NHLRC3: variants seen among roughly 807,000 people sequenced by gnomAD.
NHLRC3 encodes NHL repeat-containing protein 3.
In NHLRC3, 23 loss-of-function variants were observed where a neutral mutation model predicts 32.0. That is an observed-to-expected ratio of 0.72 (90% confidence interval 0.52 to 1.02). The LOEUF (loss-of-function observed/expected upper bound fraction) is 1.02, where lower values mean the gene tolerates loss of function less well. NHLRC3 is among the 50% of genes least tolerant of loss of function. The pLI, the probability that NHLRC3 is intolerant of heterozygous loss-of-function variation, is 0.00. For missense variants in NHLRC3, 407 were observed against 406.8 expected (o/e 1.00, Z -0.01); for synonymous variants, 159 against 147.9 (o/e 1.08, Z -0.55).
Position 39,039,155 on chromosome 13 carries a change from T to A in NHLRC3, c.104T>A (p.Phe35Tyr), listed in dbSNP as rs1378936287. ...CGSPVLRNFT[F>Y]AVSWRTEKIL... ...TTTAAGGTTTTGAGGAACTTTACTT[T>A]TGCAGTTTCCTGGAGAACTGAGAAA... Residue 35 changes from phenylalanine to tyrosine, a missense_variant, in exon 2 of 7, where the codon TTT (phenylalanine) becomes TAT (tyrosine). Physicochemically the swap from Phe to Tyr is conservative, Grantham distance 22. Coordinates refer to ENST00000379600, the MANE Select transcript of NHLRC3 (RefSeq NM_001012754.4). 6.2e-7 allele frequency: 1 copy of A among 1,614,012 alleles called. No individual in the cohort carries two copies.
In NHLRC3 at chr13:39,044,676, T is replaced by C. The variant is rs190695590; in HGVS notation, c.678+495T>C. On this transcript the variant is annotated intron_variant, in intron 5 of 6. Coordinates refer to ENST00000379600, the MANE Select transcript of NHLRC3 (RefSeq NM_001012754.4). ...ACTCTTGTTCTCACTAACTCCACAT[T>C]GTTTAGGGAACAGAAAGCTTTAGCC... 6.5e-4 allele frequency among the ~76,000 whole-genome samples: 99 copies of C among 152,336 alleles called. 2 individuals are homozygous for C. Among genetic ancestry groups the C allele is most frequent in the Non-Finnish European group, 2.9e-5 (2 of 68,030 alleles).
chr13:39,038,612 C>T lies in NHLRC3; in HGVS notation c.-28C>T. The T allele has an allele frequency of 6.2e-7, 1 of 1,601,890 alleles. No homozygotes were observed. Among genetic ancestry groups the T allele is most frequent in the Non-Finnish European group, 8.6e-7 (1 of 1,168,814 alleles). The stretch of plus-strand genomic sequence containing the variant: ...GGTCCTCCCCCAGACACCTGCGGAC[C>T]CTCCCTCTCCTGGCTTCCCGTCTGG... On this transcript the variant is annotated 5_prime_UTR_variant, in exon 1 of 7. Transcript: ENST00000379600.
Position 39,038,533 on chromosome 13 carries a change from G to A in NHLRC3, c.-107G>A, listed in dbSNP as rs566348780. ...GGGGAAACCGGAGATAGGGTCTTCGGGCCCCGGGCAGACCCTCTGTGCCGC... is the reference window on the plus strand; with the variant it reads ...GGGGAAACCGGAGATAGGGTCTTCGAGCCCCGGGCAGACCCTCTGTGCCGC... On this transcript the variant is annotated 5_prime_UTR_variant, in exon 1 of 7. Transcript: ENST00000379600. The A allele has an allele frequency of 3.1e-5, 28 of 910,150 alleles. 1 individual carries two copies. The South Asian group carries it at 3.6e-4, about 12-fold the overall frequency. 56.4% of individuals were successfully genotyped at this position (910,150 alleles called of 1,614,324 possible). A position where few individuals can be genotyped will look rare whatever the true frequency, so the allele number is the denominator to read the frequency against.
At chr13:39,044,015 A>G (rs1036160589) in intron 4 of NHLRC3, 75 bp from the exon 5 acceptor site, 11 of 1,051,012 alleles carry the variant, frequency 1.0e-5, no homozygotes, top group Non-Finnish European at 1.5e-5. Context: ...GTTCTTTGTA[A>G]CCTGTTTCAT....
Position 39,038,605 on chromosome 13 carries a change from TG to T in NHLRC3, c.-34del, listed in dbSNP as rs1414364749. The T allele has an allele frequency of 1.3e-6, 2 of 1,588,478 alleles. No homozygotes were observed. The highest frequency in any genetic ancestry group is 2.2e-5 in the South Asian group (2 of 90,600). ...GCTGTCAGGTCCTCCCCCAGACACC[TG>T]CGGACCCTCCCTCTCCTGGCTTCCC... On this transcript the variant is annotated 5_prime_UTR_variant, in exon 1 of 7. Coordinates refer to ENST00000379600, the MANE Select transcript of NHLRC3 (RefSeq NM_001012754.4).
Position 39,038,714 on chromosome 13 carries a change from T to C in NHLRC3, c.75T>C (p.Cys25=), listed in dbSNP as rs1871311521. The change falls in exon 1 of 7, where the codon TGT becomes TGC. Residue 25 remains cysteine (C), a synonymous_variant. Coordinates refer to ENST00000379600, the MANE Select transcript of NHLRC3 (RefSeq NM_001012754.4). ...TTTTGGTTTTGCATTCGCGTTTTTGTGGCTCTCCAGTGAGTTGGGTAGTGA... is the reference window on the plus strand; with the variant it reads ...TTTTGGTTTTGCATTCGCGTTTTTGCGGCTCTCCAGTGAGTTGGGTAGTGA... ...LAFLVLHSRF[C]GSPVLRNFTF... is the part of the protein sequence containing the mutation. 1 of 1,613,622 alleles carries C rather than the reference T, an allele frequency of 6.2e-7. No homozygotes were observed. The highest frequency in any genetic ancestry group is 1.3e-5 in the African/African-American group (1 of 74,928).
At chr13:39,046,917 A>C (rs376711148) in intron 5 of NHLRC3, 123 bp from the exon 6 acceptor site, 4 of 713,716 alleles carry the variant, frequency 5.6e-6, no homozygotes, top group East Asian at 5.4e-5. Context: ...ATGGGACTTA[A>C]CTACCTTCTT....
chr13:39,043,079 A>G (rs529889442), intron 4 of NHLRC3, among the ~76,000 whole-genome samples: 2 of 152,216 alleles, frequency 1.3e-5, no homozygotes, highest in African/African-American at 4.8e-5. Flanking sequence ...AGCAGGTTTT[A>G]TAAGACATTC....
At position 39,042,209 on chromosome 13, in the gene NHLRC3, GA is replaced by G. The variant is rs1871492569; in HGVS notation, c.491del (p.Asp164ValfsTer8). On this transcript the variant is annotated frameshift_variant, in exon 4 of 7. Transcript: ENST00000379600. LOFTEE classifies it high-confidence loss of function. ...KGTSLNPLQF[D>X]NPAELYVEDT... Reference sequence around the variant, plus strand: ...CACTAGTTTGAATCCTTTGCAGTTTGATAACCCAGCAGAATTATATGTAGAG... The same window carrying G: ...CACTAGTTTGAATCCTTTGCAGTTTGTAACCCAGCAGAATTATATGTAGAG... 1 of 1,611,208 alleles carries G rather than the reference GA, an allele frequency of 6.2e-7. No individual in the cohort carries two copies. Among genetic ancestry groups the G allele is most frequent in the Non-Finnish European group, 8.5e-7 (1 of 1,177,616 alleles).
At chr13:39,038,346 C>G (rs552201754), upstream of NHLRC3, 176 of 443,002 alleles carry the variant, frequency 4.0e-4, 1 homozygote, top group Non-Finnish European at 5.7e-4. Flanking sequence ...GCGGCGCGGA[C>G]TGCCCTGAGG....
rs576865180 is a variant in NHLRC3, at chr13:39,047,947, T to G, written c.*21T>G. 21 of 1,571,778 alleles carry G rather than the reference T, an allele frequency of 1.3e-5. No homozygotes were observed. Among genetic ancestry groups the G allele is most frequent in the Non-Finnish European group, 1.8e-5 (21 of 1,148,246 alleles). On this transcript the variant is annotated 3_prime_UTR_variant, in exon 7 of 7. Transcript: ENST00000379600. Reference sequence around the variant, plus strand: ...CATAATGTTTCTTTCCTGGGAATATTTCAAGTGGCAGTTCAGATTCTCAAT... The same window carrying G: ...CATAATGTTTCTTTCCTGGGAATATGTCAAGTGGCAGTTCAGATTCTCAAT...
At chr13:39,042,346 T>G (rs1018881111) in intron 4 of NHLRC3, 41 bp downstream of exon 4, 1 of 1,208,266 alleles carries the variant, frequency 8.3e-7, no homozygotes, top group Non-Finnish European at 1.2e-6. Flanking sequence ...TATTATAAAT[T>G]GATTTTAATT....
Position 39,038,606 on chromosome 13 carries a change from G to C in NHLRC3, c.-34G>C, listed in dbSNP as rs557027768. Reference sequence around the variant, plus strand: ...CTGTCAGGTCCTCCCCCAGACACCTGCGGACCCTCCCTCTCCTGGCTTCCC... The same window carrying C: ...CTGTCAGGTCCTCCCCCAGACACCTCCGGACCCTCCCTCTCCTGGCTTCCC... On this transcript the variant is annotated 5_prime_UTR_variant, in exon 1 of 7. Coordinates refer to ENST00000379600, the MANE Select transcript of NHLRC3 (RefSeq NM_001012754.4). 55 of 1,591,964 alleles carry C rather than the reference G, an allele frequency of 3.5e-5. No homozygotes were observed. In the East Asian group the frequency reaches 1.2e-3, roughly 36 times the overall value.
Position 39,039,595 on chromosome 13 carries a change from T to C in NHLRC3, c.269T>C (p.Phe90Ser). 1.2e-6 allele frequency: 2 copies of C among 1,612,374 alleles called. No individual in the cohort carries two copies. The highest frequency in any genetic ancestry group is 1.7e-6 in the Non-Finnish European group (2 of 1,178,402). Residue 90 changes from phenylalanine (F) to serine (S), a missense_variant, in exon 3 of 7, where the codon TTC becomes TCC. By Grantham distance (155) the Phe-to-Ser change is radical. Coordinates refer to ENST00000379600, the MANE Select transcript of NHLRC3 (RefSeq NM_001012754.4). ...RGDNIPKILV[F>S]TEDGYFLRAW... is the part of the protein sequence containing the mutation. Reference sequence around the variant, plus strand: ...GATAACATCCCAAAGATATTAGTGTTCACAGAGGATGGATATTTCCTACGA... The same window carrying C: ...GATAACATCCCAAAGATATTAGTGTCCACAGAGGATGGATATTTCCTACGA...
In NHLRC3 at chr13:39,039,647, T is replaced by C; in HGVS notation, c.321T>C (p.Pro107=). The C allele has an allele frequency of 6.2e-7, 1 of 1,612,416 alleles. No individual in the cohort carries two copies. The highest frequency in any genetic ancestry group is 8.5e-7 in the Non-Finnish European group (1 of 1,178,450). ...LRAWNYTVDT[P]HGIFAASTLY... ...CCTGGAATTATACAGTTGACACACC[T>C]CATGGTATATTTGCAGCCAGTACTC... The change falls in exon 3 of 7, where the codon CCT becomes CCC. Residue 107 remains proline (P), a synonymous_variant. Transcript: ENST00000379600.
At position 39,038,600 on chromosome 13, in the gene NHLRC3, A is replaced by G. The variant is rs1471805114; in HGVS notation, c.-40A>G. 6.4e-7 allele frequency: 1 copy of G among 1,564,808 alleles called. No homozygotes were observed. The highest frequency in any genetic ancestry group is 1.1e-5 in the South Asian group (1 of 90,100). On this transcript the variant is annotated 5_prime_UTR_variant, in exon 1 of 7. Coordinates refer to ENST00000379600, the MANE Select transcript of NHLRC3 (RefSeq NM_001012754.4). The stretch of plus-strand genomic sequence containing the variant: ...CTGAGGCTGTCAGGTCCTCCCCCAG[A>G]CACCTGCGGACCCTCCCTCTCCTGG...
chr13:39,042,992 T>TA (rs1400604003), intron 4 of NHLRC3, among the ~76,000 whole-genome samples: 2 of 152,172 alleles, frequency 1.3e-5, no homozygotes, highest in Non-Finnish European at 2.9e-5. Flanking sequence ...TCTGAAGTCT[T>TA]ATTTGAGGAT....
rs551782375 is a variant in NHLRC3, at chr13:39,042,152, G to T, written c.433G>T (p.Val145Phe). The T allele has an allele frequency of 1.9e-6, 3 of 1,612,114 alleles. No individual in the cohort carries two copies. Among genetic ancestry groups the T allele is most frequent in the Admixed American group, 1.7e-5 (1 of 60,000 alleles). Residue 145 changes from valine to phenylalanine, a missense_variant, in exon 4 of 7, where the codon GTT becomes TTT. Coordinates refer to ENST00000379600, the MANE Select transcript of NHLRC3 (RefSeq NM_001012754.4). Reference sequence around the variant, plus strand: ...AAAATACAGTTCTTTTGGTGATCTTGTTCAAGTCTTGGGTACTCCAGGCAA... The same window carrying T: ...AAAATACAGTTCTTTTGGTGATCTTTTTCAAGTCTTGGGTACTCCAGGCAA... ...VKKYSSFGDL[V>F]QVLGTPGKKG...
At position 39,049,796 on chromosome 13, in the gene NHLRC3, G is replaced by A. The variant is rs900392449; in HGVS notation, c.*1870G>A. The A allele has an allele frequency of 5.3e-5, 8 of 152,304 alleles. No individual in the cohort carries two copies. The highest frequency in any genetic ancestry group is 1.9e-4 in the African/African-American group (8 of 41,566). 9.4% of individuals were successfully genotyped at this position (152,304 alleles called of 1,614,324 possible). On this transcript the variant is annotated 3_prime_UTR_variant, in exon 7 of 7. Coordinates refer to ENST00000379600, the MANE Select transcript of NHLRC3 (RefSeq NM_001012754.4). ...ATTTTACTTTGTTTTATTAAGCCAG[G>A]ACAAGAAGTGCAAATGCCTCTTTGA...
Sources: allele counts gnomAD v4.1 joint callset (sites outside exome capture counted in the v4.1 genomes callset), GRCh38; gene constraint gnomAD v4.1.1; transcripts MANE v1.5; gene names NCBI Gene and HGNC (gene_info 2026-07-23, HGNC 2026-07-21).